MKX: variants seen among roughly 807,000 people sequenced by gnomAD.
MKX encodes the protein homeobox protein Mohawk.
A neutral mutation model predicts 36.0 loss-of-function variants in MKX; 13 were observed. That is an observed-to-expected ratio of 0.36 (90% CI 0.24 to 0.57). The LOEUF is 0.57. Ranked by LOEUF, MKX falls within the 20% of genes least tolerant of loss-of-function variation. The probability of loss-of-function intolerance (pLI) is 0.79; values close to 1 mark genes in which losing one functional copy is unlikely to be tolerated. For missense variants in MKX, 458 were observed against 456.4 expected, an observed-to-expected ratio of 1.00 and a Z score of -0.03; for synonymous variants, 176 against 178.3, an observed-to-expected ratio of 0.99 and a Z score of 0.10.
At chr10:27,712,005 C>T (rs1589676878) in intron 5 of MKX, among the ~76,000 whole-genome samples, 1 of 152,040 alleles carries the variant, frequency 6.6e-6, no homozygotes, top group East Asian at 1.9e-4. Flanking sequence ...TAGAAGTTTC[C>T]ATACCAACCT....
At chr10:27,677,036 G>A (rs1836165162) in intron 5 of MKX, among the ~76,000 whole-genome samples, 1 of 152,146 alleles carries the variant, frequency 6.6e-6, no homozygotes, top group African/African-American at 2.4e-5. Context: ...CTACTGAAGG[G>A]AAAGATGTAG....
At chr10:27,697,111 C>T (rs1179950667) in intron 5 of MKX, among the ~76,000 whole-genome samples, 1 of 152,174 alleles carries the variant, frequency 6.6e-6, no homozygotes, top group Non-Finnish European at 1.5e-5. Context: ...TTCAAATACT[C>T]CTGGTATTTT....
intron 3 of MKX, among the ~76,000 whole-genome samples, chr10:27,736,765 G>A (rs917764680): frequency 4.0e-4 from 61 of 151,622 alleles, no homozygotes; most frequent in African/African-American, 1.3e-3. Flanking sequence ...GTAAACACAC[G>A]GTGGGTTTCC....
At chr10:27,718,576 T>C in intron 5 of MKX, 1 of 446,248 alleles carries the variant, frequency 2.2e-6, no homozygotes, top group Non-Finnish European at 4.5e-6. Flanking sequence ...GAGTCCTCAC[T>C]CAAAGAACCT....
At chr10:27,706,334 T>C (rs985717727) in intron 5 of MKX, among the ~76,000 whole-genome samples, 1 of 152,216 alleles carries the variant, frequency 6.6e-6, no homozygotes, top group Non-Finnish European at 1.5e-5. Flanking sequence ...ATAATGCTGC[T>C]ACAAACATGG....
intron 5 of MKX, among the ~76,000 whole-genome samples, chr10:27,719,442 C>T (rs1473331819): frequency 6.6e-6 from 1 of 152,194 alleles, no homozygotes. Flanking sequence ...CCACAGAGAG[C>T]TTTCTGGGTC....
At position 27,741,699 on chromosome 10, in the gene MKX, C is replaced by A. The variant is rs1446460947; in HGVS notation, c.189-195G>T. Reference sequence around the variant, plus strand: ...CAGTTTCTGGATGGGGAGATCATTTCGATAGGTTTATCTTGAATAGGGGGA... The same window carrying A: ...CAGTTTCTGGATGGGGAGATCATTTAGATAGGTTTATCTTGAATAGGGGGA... On this transcript the variant is annotated intron_variant, in intron 2 of 6. Transcript: ENST00000419761. The surrounding 1 kb of genome is among the most constrained non-coding windows in gnomAD (Gnocchi z 5.1). Among the ~76,000 whole-genome samples the A allele has an allele frequency of 6.6e-6, 1 of 152,200 alleles. No individual in the cohort carries two copies. Among genetic ancestry groups the A allele is most frequent in the Non-Finnish European group, 1.5e-5 (1 of 68,038 alleles).
chr10:27,727,372 T>C (rs1834514384), intron 5 of MKX, among the ~76,000 whole-genome samples: 1 of 152,232 alleles, frequency 6.6e-6, no homozygotes, highest in Non-Finnish European at 1.5e-5. Context: ...TGCCAATATT[T>C]CTTTTTTCTT....
chr10:27,729,916 G>A (rs1834586820), intron 5 of MKX, among the ~76,000 whole-genome samples: 1 of 152,014 alleles, frequency 6.6e-6, no homozygotes, highest in Admixed American at 6.5e-5. Flanking sequence ...GAATGGAGGT[G>A]GATATTACAC....
chr10:27,723,748 G>A (rs1834428728), intron 5 of MKX, among the ~76,000 whole-genome samples: 1 of 152,208 alleles, frequency 6.6e-6, no homozygotes, highest in African/African-American at 2.4e-5. Context: ...CTACATCAGT[G>A]TAGAAACTGG....
chr10:27,688,200 GA>G (rs1192172404), intron 5 of MKX, among the ~76,000 whole-genome samples: 3 of 149,912 alleles, frequency 2.0e-5, no homozygotes, highest in Non-Finnish European at 4.5e-5. Context: ...AAAAAAAAAA[GA>G]AAGAAAAAGT....
chr10:27,714,697 C>T (rs1189908675), intron 5 of MKX, among the ~76,000 whole-genome samples: 1 of 152,206 alleles, frequency 6.6e-6, no homozygotes, highest in African/African-American at 2.4e-5. Context: ...AAGAAAAACT[C>T]AGTATCTTAG....
At chr10:27,738,137 G>A (rs1041682093) in intron 3 of MKX, among the ~76,000 whole-genome samples, 11 of 151,912 alleles carry the variant, frequency 7.2e-5, no homozygotes, top group South Asian at 2.1e-4. Context: ...TTTCAAAACT[G>A]ATTTCATAAA....
rs938518132 is a variant in MKX at position 27,744,273 on chromosome 10, A to G, written c.-82-776T>C. 5.9e-5 allele frequency among the ~76,000 whole-genome samples: 9 copies of G among 152,070 alleles called. No individual in the cohort carries two copies. The highest frequency in any genetic ancestry group is 6.5e-5 in the Admixed American group (1 of 15,288). On this transcript the variant is annotated intron_variant, in intron 1 of 6. Coordinates refer to ENST00000419761, the MANE Select transcript of MKX (RefSeq NM_173576.3). This position sits in a 1 kb window ranked among gnomAD's most constrained non-coding sequence, Gnocchi z 5.6. ...ACCCAGGTCCCCAGAGCCCTCAATC[A>G]GTGCCATTCTCTTCCGCAGCGCGGG...
chr10:27,679,240 T>G (rs1295169498), intron 5 of MKX, among the ~76,000 whole-genome samples: 1 of 152,150 alleles, frequency 6.6e-6, no homozygotes, highest in Non-Finnish European at 1.5e-5. Flanking sequence ...CTGCACGTTG[T>G]GCACATGTAC....
At chr10:27,726,692 T>C (rs1834496171) in intron 5 of MKX, among the ~76,000 whole-genome samples, 1 of 149,222 alleles carries the variant, frequency 6.7e-6, no homozygotes. Context: ...AAACATTTCA[T>C]TGTTTTCAGC....
In MKX at chr10:27,741,077, C is replaced by T. The variant is rs1033500465; in HGVS notation, c.348+268G>A. On this transcript the variant is annotated intron_variant, in intron 3 of 6. Transcript: ENST00000419761. The surrounding 1 kb of genome is among the most constrained non-coding windows in gnomAD (Gnocchi z 5.1). ...CGTGTTTTAAGCTCTCCAGGCGATT[C>T]TGATGCTCACTAATGTTGAACCTTC... Among the ~76,000 whole-genome samples the T allele has an allele frequency of 6.6e-6, 1 of 152,214 alleles. No homozygotes were observed. The highest frequency in any genetic ancestry group is 1.5e-5 in the Non-Finnish European group (1 of 68,038).
rs567794694 is a variant in MKX, at chr10:27,706,249, A to G, written c.838+28207T>C. Among the ~76,000 whole-genome samples the G allele has an allele frequency of 4.6e-5, 7 of 152,268 alleles. 1 individual carries two copies. The East Asian group carries it at 9.6e-4, about 21-fold the overall frequency. Reference sequence around the variant, plus strand: ...GGCTGAATAATATTCAAATATATATATATATATCACATTTTGTTTGTCCAT... The same window carrying G: ...GGCTGAATAATATTCAAATATATATGTATATATCACATTTTGTTTGTCCAT... On this transcript the variant is annotated intron_variant, in intron 5 of 6. Coordinates refer to ENST00000419761, the MANE Select transcript of MKX (RefSeq NM_173576.3).
At chr10:27,680,383 A>AAAAAAAAGAAAG (rs1554768913) in intron 5 of MKX, among the ~76,000 whole-genome samples, 1 of 143,110 alleles carries the variant, frequency 7.0e-6, no homozygotes, top group Non-Finnish European at 1.5e-5. Flanking sequence ...AAAAAAAAAA[A>AAAAAAAAGAAAG]AGGTGTGTAG....
Sources: gnomAD v4.1 joint callset for allele counts (sites outside exome capture counted in the v4.1 genomes callset) on GRCh38, gnomAD v4.1.1 for gene constraint, Gnocchi (gnomAD v3.1) non-coding constraint, MANE v1.5 for transcripts, NCBI Gene and HGNC (gene_info 2026-07-23, HGNC 2026-07-21) for gene names.